The following TTC6 variants were observed in gnomAD, a reference collection of about 807,000 sequenced individuals.
TTC6 encodes the protein tetratricopeptide repeat protein 6.
A neutral mutation model predicts 210.4 loss-of-function variants in TTC6; 172 were observed. The ratio of observed to expected loss-of-function variants is 0.82; its 90% CI spans 0.72 to 0.93. The LOEUF (loss-of-function observed/expected upper bound fraction) is 0.93, where lower values mean the gene tolerates loss of function less well. Ranked by LOEUF, TTC6 falls within the 40% of genes least tolerant of loss-of-function variation. The probability of loss-of-function intolerance (pLI) is 0.00; values close to 1 mark genes in which losing one functional copy is unlikely to be tolerated. For missense variants in TTC6, 2,414 were observed against 2,318.1 expected (o/e 1.04, Z -0.85); for synonymous variants, 804 against 819.6 (o/e 0.98, Z 0.32).
chr14:37,797,583 C>T (rs74898922), intron 20 of TTC6, among the ~76,000 whole-genome samples: 2,592 of 151,362 alleles, frequency 0.017, 70 homozygotes, highest in African/African-American at 0.054. Flanking sequence ...ACAGTTTGTG[C>T]CTCGTCTTTT....
intron 1 of TTC6, among the ~76,000 whole-genome samples, chr14:37,606,396 G>C (rs1180894668): frequency 6.6e-6 from 1 of 152,072 alleles, no homozygotes; most frequent in Non-Finnish European, 1.5e-5. Flanking sequence ...AGGGCAGGAG[G>C]GTAGAGTGTT....
chr14:37,834,326 A>G (rs2096192950), intron 29 of TTC6, among the ~76,000 whole-genome samples: 1 of 152,026 alleles, frequency 6.6e-6, no homozygotes, highest in African/African-American at 2.4e-5. Context: ...ATATTTGTTC[A>G]CTTGATGGTA....
At chr14:37,823,599 C>G (rs1470282660) in intron 26 of TTC6, 148 bp from the exon 29 acceptor site, 11 of 712,372 alleles carry the variant, frequency 1.5e-5, no homozygotes, top group Non-Finnish European at 2.3e-5. Flanking sequence ...ACTTATGTGC[C>G]TACCTCCTAC....
At chr14:37,842,358 T>G (rs1360591122) in exon 31 of TTC6, 1 of 1,370,694 alleles carries the variant, frequency 7.3e-7, no homozygotes, top group East Asian at 2.7e-5. Context: ...ACATATTTGT[T>G]GTCTAAAAGG....
intron 1 of TTC6, among the ~76,000 whole-genome samples, chr14:37,647,524 T>G (rs549797807): frequency 6.6e-6 from 1 of 152,286 alleles, no homozygotes; most frequent in East Asian, 1.9e-4. Context: ...TGTAGCTAAC[T>G]GGTAGAATAG....
At chr14:37,764,837 A>G (rs981369527) in intron 14 of TTC6, among the ~76,000 whole-genome samples, 3 of 151,822 alleles carry the variant, frequency 2.0e-5, no homozygotes, top group Admixed American at 6.6e-5. Context: ...TGTATATTTT[A>G]TATTGTATTT....
intron 10 of TTC6, among the ~76,000 whole-genome samples, chr14:37,748,733 A>G (rs1368244017): frequency 6.6e-6 from 1 of 152,172 alleles, no homozygotes; most frequent in African/African-American, 2.4e-5. Flanking sequence ...ATCTTTAAAA[A>G]CAGTCTTTTG....
At chr14:37,777,611 A>G (rs750455703) in intron 14 of TTC6, among the ~76,000 whole-genome samples, 21 of 152,036 alleles carry the variant, frequency 1.4e-4, no homozygotes, top group African/African-American at 3.4e-4. Flanking sequence ...GATTTCAGCC[A>G]TTTCAGCCTG....
At chr14:37,829,742 T>G (rs2096180259) in intron 29 of TTC6, among the ~76,000 whole-genome samples, 1 of 152,004 alleles carries the variant, frequency 6.6e-6, no homozygotes, top group Non-Finnish European at 1.5e-5. Context: ...TAGAAGCTGG[T>G]GACAATAGAT....
intron 14 of TTC6, among the ~76,000 whole-genome samples, chr14:37,753,986 T>G (rs575072971): frequency 6.6e-6 from 1 of 152,284 alleles, no homozygotes; most frequent in South Asian, 2.1e-4. Flanking sequence ...TCTTTTAATC[T>G]AAATTTTGTT....
intron 1 of TTC6, among the ~76,000 whole-genome samples, chr14:37,632,890 G>T (rs2095672698): frequency 6.6e-6 from 1 of 152,196 alleles, no homozygotes; most frequent in Non-Finnish European, 1.5e-5. Flanking sequence ...CGAACTTCCA[G>T]GCGGCTTTGT....
intron 29 of TTC6, among the ~76,000 whole-genome samples, chr14:37,839,454 G>A (rs2096205213): frequency 6.6e-6 from 1 of 152,312 alleles, no homozygotes; most frequent in African/African-American, 2.4e-5. Context: ...CTTTTGAGAA[G>A]TGTCTGTTCA....
chr14:37,790,671 G>A (rs12590844), intron 15 of TTC6, 46 bp from the exon 18 acceptor site: 238,067 of 1,458,828 alleles, frequency 0.16, 20,973 homozygotes, highest in East Asian at 0.38. Context: ...TTTACCTATG[G>A]TTATTTTAGA....
chr14:37,655,117 ACTT>A (rs1410457155), intron 1 of TTC6, among the ~76,000 whole-genome samples: 1 of 152,216 alleles, frequency 6.6e-6, no homozygotes, highest in Non-Finnish European at 1.5e-5. Flanking sequence ...CTGTCAAACT[ACTT>A]GCTTGTCCAG....
intron 3 of TTC6, among the ~76,000 whole-genome samples, chr14:37,695,648 C>T (rs1046118140): frequency 7.2e-5 from 11 of 152,006 alleles, no homozygotes; most frequent in Admixed American, 3.3e-4. Context: ...CCACTGCACC[C>T]GGCCAGTCAG....
chr14:37,823,673 A>G, intron 26 of TTC6, 74 bp from the exon 29 acceptor site: 1 of 1,328,470 alleles, frequency 7.5e-7, no homozygotes, highest in Non-Finnish European at 1.1e-6. Flanking sequence ...AAAGTCAGTT[A>G]TAGGAAAACA....
At chr14:37,640,843 A>T (rs931419495) in intron 1 of TTC6, among the ~76,000 whole-genome samples, 2 of 152,212 alleles carry the variant, frequency 1.3e-5, no homozygotes, top group Non-Finnish European at 2.9e-5. Flanking sequence ...GCACCTAGCC[A>T]ATGTAGACAT....
At chr14:37,809,343 C>T (rs1005492967) in intron 24 of TTC6, among the ~76,000 whole-genome samples, 11 of 150,486 alleles carry the variant, frequency 7.3e-5, no homozygotes, top group African/African-American at 9.8e-5. Context: ...ACCTCCGCCT[C>T]CCGGGTTCAC....
chr14:37,741,110 A>T (rs2095917690), intron 10 of TTC6, among the ~76,000 whole-genome samples: 1 of 152,134 alleles, frequency 6.6e-6, no homozygotes, highest in Non-Finnish European at 1.5e-5. Flanking sequence ...GCAGTAAAAC[A>T]AACTGTGGGA....
Sources: allele counts gnomAD v4.1 joint callset (sites outside exome capture counted in the v4.1 genomes callset), GRCh38; gene constraint gnomAD v4.1.1; transcripts MANE v1.5; gene names NCBI Gene and HGNC (gene_info 2026-07-23, HGNC 2026-07-21).